Variants in PTPRK observed in about 807,000 individuals in gnomAD.
PTPRK encodes the protein protein tyrosine phosphatase receptor type K.
In PTPRK, 75 loss-of-function variants were observed where a neutral mutation model predicts 178.0. That is an observed-to-expected ratio of 0.42 (90% CI 0.35 to 0.51). The LOEUF (loss-of-function observed/expected upper bound fraction) is 0.51. PTPRK is among the 20% of genes least tolerant of loss of function. The pLI is 0.02. For synonymous variants in PTPRK, 637 were observed against 620.6 expected, an observed-to-expected ratio of 1.03 and a Z score of -0.39; for missense variants, 1,441 against 1,797.8, an observed-to-expected ratio of 0.80 and a Z score of 3.59.
intron 1 of PTPRK, among the ~76,000 whole-genome samples, chr6:128,489,021 C>T (rs1348251107): frequency 1.3e-5 from 2 of 151,866 alleles, no homozygotes; most frequent in African/African-American, 4.8e-5. Context: ...ATCTTTTTCT[C>T]ATAATTTACA....
chr6:128,433,199 A>G (rs1468167252), intron 1 of PTPRK, among the ~76,000 whole-genome samples: 1 of 152,202 alleles, frequency 6.6e-6, no homozygotes, highest in Non-Finnish European at 1.5e-5. Flanking sequence ...ATCAAACACG[A>G]GAACGTATTC....
intron 3 of PTPRK, among the ~76,000 whole-genome samples, chr6:128,244,162 G>A (rs1815030918): frequency 6.6e-6 from 1 of 152,116 alleles, no homozygotes; most frequent in Non-Finnish European, 1.5e-5. Flanking sequence ...AGAAAATAAT[G>A]AAGTATGTTT....
rs141709144 is a variant in PTPRK, at chr6:128,192,937, G to C, written c.869-8212C>G. ...AGAAGGGAGAAAGGGAGAGGGGGAA[G>C]GAGGGAAGGAGGGAAGGAAGGAAGG... On this transcript the variant is annotated intron_variant, in intron 6 of 29. Coordinates refer to ENST00000368226, the MANE Select transcript of PTPRK (RefSeq NM_002844.4). Among the ~76,000 whole-genome samples, 5 of 150,328 alleles carry C rather than the reference G, an allele frequency of 3.3e-5. No individual in the cohort carries two copies. The East Asian group carries it at 9.9e-4, about 30-fold the overall frequency.
chr6:128,238,532 G>C (rs1813777401), intron 5 of PTPRK, among the ~76,000 whole-genome samples: 1 of 152,064 alleles, frequency 6.6e-6, no homozygotes, highest in African/African-American at 2.4e-5. Context: ...AGATCTCCAA[G>C]AAAAGACTAT....
At chr6:128,083,632 C>A in intron 9 of PTPRK, 83 bp downstream of exon 9, 1 of 688,558 alleles carries the variant, frequency 1.5e-6, no homozygotes. Context: ...ACGTCTTTTC[C>A]ATATTTCCCT....
chr6:128,421,832 C>T (rs1843518962), intron 1 of PTPRK, among the ~76,000 whole-genome samples: 1 of 152,158 alleles, frequency 6.6e-6, no homozygotes, highest in Admixed American at 6.5e-5. Context: ...TCTTAAAATC[C>T]TTCTGGTGTA....
intron 5 of PTPRK, among the ~76,000 whole-genome samples, chr6:128,219,484 A>C (rs1810005367): frequency 6.6e-6 from 1 of 152,194 alleles, no homozygotes; most frequent in Non-Finnish European, 1.5e-5. Flanking sequence ...ATCTGATAGG[A>C]GGCAGAGCTC....
At chr6:128,108,154 TC>T (rs1790045768) in intron 7 of PTPRK, among the ~76,000 whole-genome samples, 1 of 151,152 alleles carries the variant, frequency 6.6e-6, no homozygotes, top group Non-Finnish European at 1.5e-5. Flanking sequence ...TAAAGCACAT[TC>T]TTTAAGTGCC....
intron 7 of PTPRK, among the ~76,000 whole-genome samples, chr6:128,132,334 C>T (rs1267292297): frequency 6.6e-6 from 1 of 152,184 alleles, no homozygotes; most frequent in African/African-American, 2.4e-5. Flanking sequence ...GCCACCTCGC[C>T]CGGCTAATTT....
chr6:128,459,161 C>T (rs1434429202), intron 1 of PTPRK, among the ~76,000 whole-genome samples: 1 of 152,048 alleles, frequency 6.6e-6, no homozygotes, highest in Non-Finnish European at 1.5e-5. Context: ...ATTTCATTAT[C>T]CCTATGTTCC....
At chr6:128,422,364 A>G (rs540536099) in intron 1 of PTPRK, among the ~76,000 whole-genome samples, 44 of 152,248 alleles carry the variant, frequency 2.9e-4, no homozygotes, top group African/African-American at 7.9e-4. Flanking sequence ...GAAAAAGAAG[A>G]AAAAAAGCCA....
intron 2 of PTPRK, among the ~76,000 whole-genome samples, chr6:128,379,014 A>G (rs1837494142): frequency 6.6e-6 from 1 of 152,172 alleles, no homozygotes; most frequent in South Asian, 2.1e-4. Flanking sequence ...GTACTATTCA[A>G]GGCACTATTA....
In PTPRK at chr6:128,411,449, C is replaced by T. The variant is rs1842301800; in HGVS notation, c.101-13761G>A. The stretch of plus-strand genomic sequence containing the variant: ...TTTCCCAGAGAGAAAGTAGGTGGGG[C>T]CTTAAAATTTTTCACTCCTAAATTG... On this transcript the variant is annotated intron_variant, in intron 1 of 29. Transcript: ENST00000368226. Among the ~76,000 whole-genome samples the T allele has an allele frequency of 3.3e-5, 5 of 152,096 alleles. No homozygotes were observed. In the South Asian group the frequency reaches 1.0e-3, roughly 32 times the overall value.
At chr6:128,393,339 T>G (rs1839870456) in intron 2 of PTPRK, among the ~76,000 whole-genome samples, 1 of 152,128 alleles carries the variant, frequency 6.6e-6, no homozygotes, top group Non-Finnish European at 1.5e-5. Flanking sequence ...TCCGCCCGCC[T>G]CGGTCTTCCA....
At chr6:128,260,457 G>A (rs2128293184) in intron 3 of PTPRK, among the ~76,000 whole-genome samples, 1 of 152,218 alleles carries the variant, frequency 6.6e-6, no homozygotes, top group Middle Eastern at 3.4e-3. Flanking sequence ...ACAATATCTA[G>A]CATAGCAAAT....
chr6:128,038,692 T>C (rs536535331), intron 13 of PTPRK, among the ~76,000 whole-genome samples: 15 of 152,318 alleles, frequency 9.8e-5, no homozygotes, highest in Admixed American at 9.8e-4. Flanking sequence ...TTTCCAGGCT[T>C]TTCTTAAGGA....
intron 3 of PTPRK, among the ~76,000 whole-genome samples, chr6:128,301,618 CAT>C (rs904202063): frequency 4.6e-5 from 7 of 152,036 alleles, no homozygotes; most frequent in African/African-American, 1.4e-4. Flanking sequence ...TTTAAAATAA[CAT>C]TAATTTATTT....
At chr6:128,408,124 A>G (rs1841902383) in intron 1 of PTPRK, among the ~76,000 whole-genome samples, 1 of 152,244 alleles carries the variant, frequency 6.6e-6, no homozygotes, top group African/African-American at 2.4e-5. Flanking sequence ...ACAGTGGCTC[A>G]CGCCTGTAAT....
At chr6:128,221,436 A>G (rs1174326758) in intron 5 of PTPRK, among the ~76,000 whole-genome samples, 1 of 151,812 alleles carries the variant, frequency 6.6e-6, no homozygotes, top group African/African-American at 2.4e-5. Context: ...AGGCAGGAGA[A>G]TGGTGTGAAC....
Sources: gnomAD v4.1 joint callset for allele counts (sites outside exome capture counted in the v4.1 genomes callset) on GRCh38, gnomAD v4.1.1 for gene constraint, MANE v1.5 for transcripts, NCBI Gene and HGNC (gene_info 2026-07-23, HGNC 2026-07-21) for gene names.